The following EIF4G3 variants were observed in gnomAD, a reference collection of about 807,000 sequenced individuals.
The protein encoded by EIF4G3 is eukaryotic translation initiation factor 4 gamma 3.
A neutral mutation model predicts 186.4 loss-of-function variants in EIF4G3; 34 were observed. The ratio of observed to expected loss-of-function variants is 0.18; its 90% CI spans 0.14 to 0.24. EIF4G3 has a LOEUF of 0.24. Among genes scored for constraint, EIF4G3 ranks in the 10% least tolerant of loss-of-function variants. The pLI is 1.00. For missense variants in EIF4G3, 1,536 were observed against 1,948.5 expected (o/e 0.79, Z 3.99); for synonymous variants, 673 against 679.5 (o/e 0.99, Z 0.15).
intron 2 of EIF4G3, among the ~76,000 whole-genome samples, chr1:21,121,047 T>C (rs1418079055): frequency 6.6e-6 from 1 of 152,112 alleles, no homozygotes. Flanking sequence ...AGCCTCCAAG[T>C]AGGTGGGACT....
intron 7 of EIF4G3, among the ~76,000 whole-genome samples, chr1:20,987,404 T>C (rs1038037544): frequency 2.6e-5 from 4 of 152,398 alleles, no homozygotes; most frequent in African/African-American, 9.6e-5. Context: ...TTGTGCATTA[T>C]AGATATTGCA....
At chr1:20,823,708 T>G (rs2062950267) in intron 33 of EIF4G3, among the ~76,000 whole-genome samples, 1 of 152,210 alleles carries the variant, frequency 6.6e-6, no homozygotes, top group Non-Finnish European at 1.5e-5. Context: ...TTAACCATTT[T>G]GACTAGTCTC....
At chr1:21,014,048 T>C (rs1411363467) in intron 4 of EIF4G3, among the ~76,000 whole-genome samples, 2 of 152,140 alleles carry the variant, frequency 1.3e-5, no homozygotes, top group Non-Finnish European at 2.9e-5. Context: ...TGGGTGCCTA[T>C]AATCCCAGCT....
chr1:20,937,563 T>C (rs1227484305), intron 14 of EIF4G3, among the ~76,000 whole-genome samples: 1 of 151,888 alleles, frequency 6.6e-6, no homozygotes, highest in Non-Finnish European at 1.5e-5. Flanking sequence ...AAAAACAAAA[T>C]AAATAGAAAA....
At chr1:21,050,492 A>AT (rs1260918953) in intron 4 of EIF4G3, among the ~76,000 whole-genome samples, 1 of 152,244 alleles carries the variant, frequency 6.6e-6, no homozygotes. Context: ...AAGTTTTCAC[A>AT]TAAGTAGAAA....
At chr1:20,837,618 C>G (rs565029277) in intron 30 of EIF4G3, among the ~76,000 whole-genome samples, 21 of 152,186 alleles carry the variant, frequency 1.4e-4, no homozygotes, top group Non-Finnish European at 2.4e-4. Flanking sequence ...CCCAAAACAG[C>G]TGATCTCAGA....
chr1:21,158,169 C>G (rs1270605689), intron 2 of EIF4G3, among the ~76,000 whole-genome samples: 2 of 99,514 alleles, frequency 2.0e-5, no homozygotes, highest in Non-Finnish European at 3.8e-5. Context: ...AAATACATAG[C>G]TTTTTTTTTT....
chr1:20,999,491 C>T (rs2083022785), intron 6 of EIF4G3: 1 of 316,492 alleles, frequency 3.2e-6, no homozygotes, highest in Non-Finnish European at 6.3e-6. Flanking sequence ...TATGGCAGTA[C>T]CTGTCTTATC....
chr1:20,912,772 A>C (rs2154558471), intron 14 of EIF4G3, among the ~76,000 whole-genome samples: 1 of 152,312 alleles, frequency 6.6e-6, no homozygotes, highest in Middle Eastern at 3.4e-3. Flanking sequence ...GTTGGCACTA[A>C]ATCATTCTGA....
chr1:20,926,509 T>C (rs1319416479), intron 14 of EIF4G3, among the ~76,000 whole-genome samples: 1 of 151,946 alleles, frequency 6.6e-6, no homozygotes, highest in Non-Finnish European at 1.5e-5. Context: ...CGAGACTCTA[T>C]CTCTACAAAA....
intron 4 of EIF4G3, among the ~76,000 whole-genome samples, chr1:21,016,092 A>G (rs2088932866): frequency 6.6e-6 from 1 of 152,234 alleles, no homozygotes; most frequent in South Asian, 2.1e-4. Flanking sequence ...ACAAAAGCAT[A>G]AAAATCTAAG....
chr1:21,128,311 C>A (rs2097089929), intron 2 of EIF4G3, among the ~76,000 whole-genome samples: 1 of 151,552 alleles, frequency 6.6e-6, no homozygotes, highest in African/African-American at 2.4e-5. Context: ...GAGTTTGAGA[C>A]CAGCCTGGCA....
At chr1:20,860,570 A>C (rs1032163962) in intron 23 of EIF4G3, 53 bp from the exon 24 acceptor site, 1 of 1,574,366 alleles carries the variant, frequency 6.4e-7, no homozygotes, top group Non-Finnish European at 8.6e-7. Flanking sequence ...CATTTTTTAA[A>C]ATTTAAAAAT....
At chr1:20,884,387 A>T (rs1427974016) in intron 19 of EIF4G3, among the ~76,000 whole-genome samples, 2 of 152,182 alleles carry the variant, frequency 1.3e-5, no homozygotes. Context: ...TCATGAAAAA[A>T]AAGGATAACA....
Position 21,176,817 on chromosome 1 carries a change from T to A in EIF4G3, c.-551A>T, listed in dbSNP as rs1284118258. 1 of 701,806 alleles carries A rather than the reference T, an allele frequency of 1.4e-6. No homozygotes were observed. Among genetic ancestry groups the A allele is most frequent in the Admixed American group, 2.0e-5 (1 of 49,980 alleles). The allele number at this position is 701,806 out of a possible 1,614,324, so 43.5% of individuals were successfully genotyped here. A position where few individuals can be genotyped will look rare whatever the true frequency, so the allele number is the denominator to read the frequency against. On this transcript the variant is annotated 5_prime_UTR_variant, in exon 1 of 37. Coordinates refer to ENST00000602326, the MANE Select transcript of EIF4G3 (RefSeq NM_001391906.1). ...CTTCTCGGTAGCGGGGCTCAGGCGA[T>A]GCCGGTGGATTTTCTTCACTCAACG...
At chr1:20,867,108 C>T (rs1457152656) in intron 20 of EIF4G3, among the ~76,000 whole-genome samples, 1 of 152,100 alleles carries the variant, frequency 6.6e-6, no homozygotes, top group Non-Finnish European at 1.5e-5. Flanking sequence ...TGCTTACTTG[C>T]TATATAAACA....
intron 11 of EIF4G3, among the ~76,000 whole-genome samples, chr1:20,972,687 G>C (rs1463188457): frequency 6.6e-6 from 1 of 152,030 alleles, no homozygotes; most frequent in Admixed American, 6.5e-5. Context: ...TGTGAGAACT[G>C]AGCTTAAATT....
chr1:20,946,425 T>C (rs1375187900), intron 13 of EIF4G3, among the ~76,000 whole-genome samples: 17 of 152,228 alleles, frequency 1.1e-4, no homozygotes, highest in African/African-American at 2.4e-5. Flanking sequence ...CATTCAACAG[T>C]TGTTCTCTCT....
intron 2 of EIF4G3, among the ~76,000 whole-genome samples, chr1:21,101,437 T>TG (rs897286236): frequency 6.6e-6 from 1 of 151,294 alleles, no homozygotes; most frequent in African/African-American, 2.4e-5. Flanking sequence ...GACATGGTGG[T>TG]GGGCATCAGT....
Sources: allele counts gnomAD v4.1 joint callset (sites outside exome capture counted in the v4.1 genomes callset), GRCh38; gene constraint gnomAD v4.1.1; transcripts MANE v1.5; gene names NCBI Gene and HGNC (gene_info 2026-07-23, HGNC 2026-07-21).